SOX6: variants seen among roughly 807,000 people sequenced by gnomAD.
The protein encoded by SOX6 is SRY-box transcription factor 6.
In SOX6, 11 loss-of-function variants were observed where a neutral mutation model predicts 97.8. That is an observed-to-expected ratio of 0.11 (90% CI 0.07 to 0.19). SOX6 has a LOEUF of 0.19. SOX6 is among the 10% of genes least tolerant of loss of function. SOX6 has a pLI of 1.00. For synonymous variants in SOX6, 360 were observed against 371.4 expected (o/e 0.97, Z 0.35); for missense variants, 810 against 1,039.5 (o/e 0.78, Z 3.04).
chr11:16,158,512 T>C (rs1850659916), intron 6 of SOX6, among the ~76,000 whole-genome samples: 3 of 152,066 alleles, frequency 2.0e-5, no homozygotes, highest in Admixed American at 2.0e-4. Context: ...ATATGATAAA[T>C]GTCCTGTTTC....
rs376886125 is a variant in SOX6, at chr11:16,079,630, T to A, written c.1101+16366A>T. On this transcript the variant is annotated intron_variant, in intron 9 of 15. Coordinates refer to ENST00000683767, the MANE Select transcript of SOX6 (RefSeq NM_001367873.1). ...ACATAAGGAAGTATTTTGAATTTAC[T>A]TATAAGTGATCAGGTAGACTAGACA... Among the ~76,000 whole-genome samples, 34 of 152,304 alleles carry A rather than the reference T, an allele frequency of 2.2e-4. No homozygotes were observed. In the South Asian group the frequency reaches 5.8e-3, roughly 26 times the overall value.
intron 3 of SOX6, chr11:16,313,509 A>C (rs1855669062): frequency 6.6e-6 from 1 of 152,144 alleles, no homozygotes; most frequent in African/African-American, 2.4e-5. Context: ...AATACATCCC[A>C]AATGAGGAGA....
intron 3 of SOX6, among the ~76,000 whole-genome samples, chr11:16,284,518 T>A (rs1438699206): frequency 6.6e-6 from 1 of 152,196 alleles, no homozygotes; most frequent in Non-Finnish European, 1.5e-5. Flanking sequence ...ATTAATATAA[T>A]CTTTTATATT....
chr11:16,541,437 G>A lies in SOX6; in HGVS notation n.610-65049C>T, dbSNP rs188541084. Reference sequence around the variant, plus strand: ...GCAAGGACTTCATGACTAAAACACCGAAAGCAATGGCAACAAAAGCCAAAA... The same window carrying A: ...GCAAGGACTTCATGACTAAAACACCAAAAGCAATGGCAACAAAAGCCAAAA... On this transcript the variant is annotated intron_variant and non_coding_transcript_variant, in intron 4 of 5. Transcript: ENST00000524520. Among the ~76,000 whole-genome samples the A allele has an allele frequency of 2.3e-3, 353 of 152,068 alleles. 3 individuals carry two copies. Among genetic ancestry groups the A allele is most frequent in the African/African-American group, 7.9e-3 (327 of 41,500 alleles).
At chr11:15,976,999 T>C (rs1400429834) in intron 15 of SOX6, among the ~76,000 whole-genome samples, 1 of 152,078 alleles carries the variant, frequency 6.6e-6, no homozygotes, top group African/African-American at 2.4e-5. Flanking sequence ...AGTTCCCTTC[T>C]TAGCTCCTCA....
intron 4 of SOX6, among the ~76,000 whole-genome samples, chr11:16,502,110 T>C (rs375144065): frequency 1.4e-4 from 22 of 152,020 alleles, no homozygotes; most frequent in African/African-American, 3.9e-4. Flanking sequence ...GGCACATATA[T>C]ACCATGGAAT....
rs137895869 is a variant in SOX6, at chr11:16,394,711, C to T, written c.-4-53459G>A. On this transcript the variant is annotated intron_variant, in intron 1 of 15. Coordinates refer to the SOX6 transcript ENST00000396356. ...AAAACCCTTCCATGTGGTCTCATGGCTTTTCTTTGCAAAAATACTAGGTAT... is the reference window on the plus strand; with the variant it reads ...AAAACCCTTCCATGTGGTCTCATGGTTTTTCTTTGCAAAAATACTAGGTAT... Among the ~76,000 whole-genome samples, 297 of 151,854 alleles carry T rather than the reference C, an allele frequency of 2.0e-3. 7 individuals carry two copies. The South Asian group carries it at 0.03, about 15-fold the overall frequency.
chr11:16,342,311 T>C (rs1384576617), intron 1 of SOX6, among the ~76,000 whole-genome samples: 2 of 151,996 alleles, frequency 1.3e-5, no homozygotes, highest in Non-Finnish European at 2.9e-5. Context: ...TTGAGCACTT[T>C]TCTAAAACTT....
intron 15 of SOX6, among the ~76,000 whole-genome samples, chr11:15,973,635 G>A (rs1853381140): frequency 6.6e-6 from 1 of 152,206 alleles, no homozygotes. Flanking sequence ...TGTTATTCAT[G>A]TAAATGTCTA....
chr11:16,476,851 AC>A (rs776296200), upstream of SOX6, among the ~76,000 whole-genome samples: 1 of 152,196 alleles, frequency 6.6e-6, no homozygotes, highest in African/African-American at 2.4e-5. Context: ...AAGGCGTGGA[AC>A]CCATAAGATG....
At chr11:15,996,411 T>C (rs1349585567) in intron 13 of SOX6, among the ~76,000 whole-genome samples, 1 of 152,104 alleles carries the variant, frequency 6.6e-6, no homozygotes, top group Non-Finnish European at 1.5e-5. Flanking sequence ...GGAGGATCTC[T>C]TGAGGTCAGG....
At chr11:16,187,763 T>C (rs182169372) in intron 4 of SOX6, among the ~76,000 whole-genome samples, 17 of 152,292 alleles carry the variant, frequency 1.1e-4, no homozygotes, top group Non-Finnish European at 2.2e-4. Flanking sequence ...GAACAGTCTT[T>C]TTATGGGCAA....
chr11:16,137,683 C>G (rs1233083788), intron 6 of SOX6, among the ~76,000 whole-genome samples: 1 of 152,126 alleles, frequency 6.6e-6, no homozygotes, highest in Non-Finnish European at 1.5e-5. Context: ...GACAAAATGT[C>G]TGATATGGTT....
At chr11:16,245,161 T>C (rs1040301255) in intron 3 of SOX6, among the ~76,000 whole-genome samples, 1 of 151,782 alleles carries the variant, frequency 6.6e-6, no homozygotes, top group Admixed American at 6.6e-5. Flanking sequence ...TTAAAATACT[T>C]TACAATTTTC....
chr11:16,109,707 CA>C (rs1275303815), intron 7 of SOX6, among the ~76,000 whole-genome samples: 1 of 152,182 alleles, frequency 6.6e-6, no homozygotes, highest in East Asian at 1.9e-4. Flanking sequence ...GAATTTTAAA[CA>C]CATTTTTCAT....
At chr11:16,254,389 A>G (rs1422358247) in intron 3 of SOX6, among the ~76,000 whole-genome samples, 4 of 152,118 alleles carry the variant, frequency 2.6e-5, no homozygotes, top group Admixed American at 2.6e-4. Flanking sequence ...ATTCATATAT[A>G]TTACATACAT....
At chr11:16,702,676 C>G (rs1207339388) in intron 3 of SOX6, among the ~76,000 whole-genome samples, 1 of 152,040 alleles carries the variant, frequency 6.6e-6, no homozygotes, top group Non-Finnish European at 1.5e-5. Flanking sequence ...CTCTCATTCC[C>G]TTTAGCCATG....
intron 4 of SOX6, among the ~76,000 whole-genome samples, chr11:16,536,667 C>A (rs534400615): frequency 6.6e-6 from 1 of 152,216 alleles, no homozygotes; most frequent in Non-Finnish European, 1.5e-5. Flanking sequence ...TGTGGCTCGG[C>A]GGGTCCCATG....
At position 16,121,551 on chromosome 11, in the gene SOX6, A is replaced by T. The variant is rs78152408; in HGVS notation, c.778-9628T>A. On this transcript the variant is annotated intron_variant, in intron 6 of 15. Transcript: ENST00000683767. ...TTTGTTCTCACTTACATATTAGTAC[A>T]AATTATCCAGTTTTCAGCTTACTTT... Among the ~76,000 whole-genome samples, 1,254 of 152,108 alleles carry T rather than the reference A, an allele frequency of 8.2e-3. 21 individuals are homozygous for T. The highest frequency in any genetic ancestry group is 0.028 in the African/African-American group (1,171 of 41,546).
Sources: allele counts gnomAD v4.1 joint callset (sites outside exome capture counted in the v4.1 genomes callset), GRCh38; gene constraint gnomAD v4.1.1; transcripts MANE v1.5; gene names NCBI Gene and HGNC (gene_info 2026-07-23, HGNC 2026-07-21).